STEAP2: variants seen among roughly 807,000 people sequenced by gnomAD.
The protein encoded by STEAP2 is STEAP2 metalloreductase, also known as metalloreductase STEAP2.
In STEAP2, 30 loss-of-function variants were observed where a neutral mutation model predicts 46.4. That is an observed-to-expected ratio of 0.65 (90% CI 0.48 to 0.88). STEAP2 has a LOEUF of 0.88. Ranked by LOEUF, STEAP2 falls within the 40% of genes least tolerant of loss-of-function variation. The pLI is 0.00. For synonymous variants in STEAP2, 180 were observed against 200.5 expected, an observed-to-expected ratio of 0.90 and a Z score of 0.86; for missense variants, 513 against 579.3, an observed-to-expected ratio of 0.89 and a Z score of 1.18.
intron 4 of STEAP2, among the ~76,000 whole-genome samples, chr7:90,228,037 A>C (rs928813010): frequency 4.6e-5 from 7 of 152,146 alleles, no homozygotes; most frequent in African/African-American, 1.7e-4. Flanking sequence ...TCTTGTTATC[A>C]AAAACCAGAA....
At chr7:90,242,580 G>C (rs1038874397), downstream of STEAP2, among the ~76,000 whole-genome samples, 1 of 152,190 alleles carries the variant, frequency 6.6e-6, no homozygotes, top group African/African-American at 2.4e-5. Context: ...TTGGTTTGGG[G>C]TGCCATTCCA....
rs1258551790 is a variant in STEAP2, at chr7:90,232,439, C to T, written c.1288C>T (p.Pro430Ser). ...EEEYYRFYTP[P>S]NFVLALVLPS... ...AGAGTACTACAGATTTTATACACCA[C>T]CAAACTTTGTTCTTGCTCTTGTTTT... is the stretch of plus-strand genomic sequence containing the variant. Residue 430 changes from proline (P) to serine (S), a missense_variant, in exon 6 of 6, where the codon CCA becomes TCA. Coordinates refer to ENST00000394621, the MANE Select transcript of STEAP2 (RefSeq NM_001244944.2). 3.1e-6 allele frequency: 5 copies of T among 1,613,772 alleles called. 1 individual carries two copies. The South Asian group carries it at 5.5e-5, about 18-fold the overall frequency.
Position 90,237,017 on chromosome 7 carries a change from T to C in STEAP2, c.*4393T>C, listed in dbSNP as rs931135432. The C allele has an allele frequency of 5.8e-6, 9 of 1,557,246 alleles. No homozygotes were observed. Among genetic ancestry groups the C allele is most frequent in the Non-Finnish European group, 7.1e-6 (8 of 1,131,804 alleles). On this transcript the variant is annotated 3_prime_UTR_variant, in exon 6 of 6. Coordinates refer to ENST00000394621, the MANE Select transcript of STEAP2 (RefSeq NM_001244944.2). Reference sequence around the variant, plus strand: ...CTGTCCTTGCAGTTAGGTGTACATGTGACTGAGTGTTGGCCAGTGAGATGA... The same window carrying C: ...CTGTCCTTGCAGTTAGGTGTACATGCGACTGAGTGTTGGCCAGTGAGATGA...
At position 90,233,468 on chromosome 7, in the gene STEAP2, C is replaced by A; in HGVS notation, c.*844C>A. On this transcript the variant is annotated 3_prime_UTR_variant, in exon 6 of 6. Transcript: ENST00000394621. Reference sequence around the variant, plus strand: ...TCAAGTTTGCACACAAGTAATCTGCCAGCTGACCTTTGTCGCACCTTAACC... The same window carrying A: ...TCAAGTTTGCACACAAGTAATCTGCAAGCTGACCTTTGTCGCACCTTAACC... 1 of 985,374 alleles carries A rather than the reference C, an allele frequency of 1.0e-6. No homozygotes were observed. The allele number at this position is 985,374 out of a possible 1,614,324, so 61.0% of individuals were successfully genotyped here.
intron 2 of STEAP2, among the ~76,000 whole-genome samples, chr7:90,222,487 A>G (rs1795292903): frequency 6.6e-6 from 1 of 152,166 alleles, no homozygotes; most frequent in Non-Finnish European, 1.5e-5. Context: ...ATGCACCTAA[A>G]TAACACATGT....
chr7:90,231,487 A>G lies in STEAP2; in HGVS notation c.1186-850A>G, dbSNP rs915108026. Among the ~76,000 whole-genome samples the G allele has an allele frequency of 5.3e-4, 80 of 151,976 alleles. 1 individual carries two copies. Among genetic ancestry groups the G allele is most frequent in the South Asian group, 2.1e-4 (1 of 4,832 alleles). ...TAGGCAGTTTTATCATGTGAACATCATAGAGCATATTTATACAAACCATGA... is the reference window on the plus strand; with the variant it reads ...TAGGCAGTTTTATCATGTGAACATCGTAGAGCATATTTATACAAACCATGA... On this transcript the variant is annotated intron_variant, in intron 5 of 5. Coordinates refer to ENST00000394621, the MANE Select transcript of STEAP2 (RefSeq NM_001244944.2).
At chr7:90,225,922 A>C (rs1795470800) in intron 3 of STEAP2, among the ~76,000 whole-genome samples, 1 of 152,234 alleles carries the variant, frequency 6.6e-6, no homozygotes, top group Admixed American at 6.5e-5. Flanking sequence ...ATTAAGCATG[A>C]TTATAAAACA....
rs1283925349 is a variant in STEAP2, at chr7:90,233,058, A to G, written c.*434A>G. 1 of 975,686 alleles carries G rather than the reference A, an allele frequency of 1.0e-6. No individual in the cohort carries two copies. The highest frequency in any genetic ancestry group is 1.8e-5 in the African/African-American group (1 of 56,974). 60.4% of individuals were successfully genotyped at this position (975,686 alleles called of 1,614,324 possible). ...TCAACTTAAAAAGTAGAAATGCATT[A>G]TTATACATTTTTTTAAGAAAGGACA... On this transcript the variant is annotated 3_prime_UTR_variant, in exon 6 of 6. Coordinates refer to ENST00000394621, the MANE Select transcript of STEAP2 (RefSeq NM_001244944.2).
chr7:90,239,336 C>A (rs979602834), downstream of STEAP2, among the ~76,000 whole-genome samples: 2 of 152,266 alleles, frequency 1.3e-5, no homozygotes, highest in Non-Finnish European at 2.9e-5. Context: ...CCAATCCTGC[C>A]AACACCTTAG....
At chr7:90,220,202 G>C (rs745353582) in intron 2 of STEAP2, among the ~76,000 whole-genome samples, 4 of 152,202 alleles carry the variant, frequency 2.6e-5, no homozygotes, top group Non-Finnish European at 5.9e-5. Context: ...AGTTTGAAGA[G>C]AATTGGTGTT....
chr7:90,229,952 C>G lies in STEAP2; in HGVS notation c.1101C>G (p.Ser367Arg). ...TGTATATCTCCTTTGGCATAATGAG[C>G]CTTGGCTTACTTTCCCTCCTGGCAG... is the stretch of plus-strand genomic sequence containing the variant. ...IEMYISFGIM[S>R]LGLLSLLAVT... The change falls in exon 5 of 6, where the codon AGC becomes AGG. Residue 367 changes from serine (S) to arginine (R), a missense_variant. Ser to Arg is a moderately radical substitution (Grantham distance 110). Transcript: ENST00000394621. The G allele has an allele frequency of 6.2e-7, 1 of 1,613,598 alleles. No individual in the cohort carries two copies. The highest frequency in any genetic ancestry group is 8.5e-7 in the Non-Finnish European group (1 of 1,179,616).
At position 90,236,191 on chromosome 7, in the gene STEAP2, C is replaced by A. The variant is rs2116407237; in HGVS notation, c.*3567C>A. Reference sequence around the variant, plus strand: ...ATAATAAATTCTGTACAGTTTCCCCCCAAAAAAGAGATTTATTTATGAAAT... The same window carrying A: ...ATAATAAATTCTGTACAGTTTCCCCACAAAAAAGAGATTTATTTATGAAAT... On this transcript the variant is annotated 3_prime_UTR_variant, in exon 6 of 6. Transcript: ENST00000394621. 1 of 772,876 alleles carries A rather than the reference C, an allele frequency of 1.3e-6. No homozygotes were observed. The highest frequency in any genetic ancestry group is 6.7e-4 in the Middle Eastern group (1 of 1,498). 47.9% of individuals were successfully genotyped at this position (772,876 alleles called of 1,614,324 possible). A position where few individuals can be genotyped will look rare whatever the true frequency, so the allele number is the denominator to read the frequency against.
At chr7:90,212,189 C>G (rs1199215070) in intron 1 of STEAP2, 144 bp downstream of exon 1, 1 of 152,474 alleles carries the variant, frequency 6.6e-6, no homozygotes, top group Non-Finnish European at 1.5e-5. Flanking sequence ...GGTCCCTCAT[C>G]TCCTGGCACC....
Position 90,229,957 on chromosome 7 carries a change from G to C in STEAP2, c.1106G>C (p.Gly369Ala). 6.2e-7 allele frequency: 1 copy of C among 1,613,628 alleles called. No individual in the cohort carries two copies. The highest frequency in any genetic ancestry group is 8.5e-7 in the Non-Finnish European group (1 of 1,179,634). Residue 369 changes from glycine (G) to alanine (A), a missense_variant, in exon 5 of 6, where the codon GGC becomes GCC. Physicochemically the swap from Gly to Ala is moderately conservative, Grantham distance 60. Transcript: ENST00000394621. Reference sequence around the variant, plus strand: ...ATCTCCTTTGGCATAATGAGCCTTGGCTTACTTTCCCTCCTGGCAGTCACT... The same window carrying C: ...ATCTCCTTTGGCATAATGAGCCTTGCCTTACTTTCCCTCCTGGCAGTCACT... ...MYISFGIMSL[G>A]LLSLLAVTSI...
At position 90,225,210 on chromosome 7, in the gene STEAP2, A is replaced by C. The variant is rs781099862; in HGVS notation, c.128A>C (p.Lys43Thr). The change falls in exon 3 of 6, where the codon AAA becomes ACA. Residue 43 changes from lysine to threonine, a missense_variant. Coordinates refer to ENST00000394621, the MANE Select transcript of STEAP2 (RefSeq NM_001244944.2). Reference sequence around the variant, plus strand: ...GTGATTGGAAGTGGAGATTTTGCCAAATCCTTGACCATTCGACTTATTAGA... The same window carrying C: ...GTGATTGGAAGTGGAGATTTTGCCACATCCTTGACCATTCGACTTATTAGA... ...VGVIGSGDFAKSLTIRLIRCG... is the reference protein window; with the variant it reads ...VGVIGSGDFATSLTIRLIRCG... The C allele has an allele frequency of 4.3e-6, 7 of 1,613,922 alleles. No individual in the cohort carries two copies. In the East Asian group the frequency reaches 1.6e-4, roughly 36 times the overall value.
At chr7:90,232,250 A>G in intron 5 of STEAP2, 87 bp from the exon 6 acceptor site, 1 of 1,368,432 alleles carries the variant, frequency 7.3e-7, no homozygotes. Context: ...CAAAATATAA[A>G]CATGGTGTAT....
At chr7:90,222,226 C>T (rs891897209) in intron 2 of STEAP2, among the ~76,000 whole-genome samples, 1 of 151,998 alleles carries the variant, frequency 6.6e-6, no homozygotes, top group Admixed American at 6.6e-5. Context: ...ACCTCTGACT[C>T]CTGCCTGCCT....
intron 4 of STEAP2, 118 bp downstream of exon 4, chr7:90,227,616 G>T: frequency 1.0e-6 from 1 of 989,774 alleles, no homozygotes. Flanking sequence ...TATACTGCGG[G>T]AGGGGAAAGA....
rs563027623 is a variant in STEAP2, at chr7:90,220,998, A to T, written c.-33-4052A>T. 1.4e-3 allele frequency among the ~76,000 whole-genome samples: 216 copies of T among 152,238 alleles called. 2 individuals carry two copies. Among genetic ancestry groups the T allele is most frequent in the Middle Eastern group, 0.01 (3 of 294 alleles). On this transcript the variant is annotated intron_variant, in intron 2 of 5. Transcript: ENST00000394621. Reference sequence around the variant, plus strand: ...GTGGTCTGAGGAAGTACTTGATATGACTTCGATTTTTAAAAAATTTGTTGA... The same window carrying T: ...GTGGTCTGAGGAAGTACTTGATATGTCTTCGATTTTTAAAAAATTTGTTGA...
Sources: gnomAD v4.1 joint callset for allele counts (sites outside exome capture counted in the v4.1 genomes callset) on GRCh38, gnomAD v4.1.1 for gene constraint, MANE v1.5 for transcripts, NCBI Gene and HGNC (gene_info 2026-07-23, HGNC 2026-07-21) for gene names.